Variants in TUSC3 observed in about 807,000 individuals in gnomAD.
The protein encoded by TUSC3 is dolichyl-diphosphooligosaccharide--protein glycosyltransferase subunit TUSC3.
TUSC3 carries 45 observed loss-of-function variants against 44.8 expected under a neutral mutation model. That is an observed-to-expected ratio of 1.00 (90% CI 0.79 to 1.29). TUSC3 has a LOEUF of 1.29. TUSC3 is among the 50% of genes most tolerant of loss of function. TUSC3 has a pLI of 0.00. For synonymous variants in TUSC3, 212 were observed against 152.9 expected (o/e 1.39, Z -2.85); for missense variants, 519 against 437.9 (o/e 1.19, Z -1.65).
intron 8 of TUSC3, among the ~76,000 whole-genome samples, chr8:15,744,242 T>C (rs890038686): frequency 6.6e-6 from 1 of 152,136 alleles, no homozygotes; most frequent in Non-Finnish European, 1.5e-5. Flanking sequence ...TGGGACCATT[T>C]CTCTCAGAGT....
upstream of TUSC3, among the ~76,000 whole-genome samples, chr8:15,538,509 T>C (rs1801564125): frequency 6.6e-6 from 1 of 152,330 alleles, no homozygotes; most frequent in Non-Finnish European, 1.5e-5. Context: ...AGACTGTCAA[T>C]GTTCAAATTT....
intron 2 of TUSC3, among the ~76,000 whole-genome samples, chr8:15,489,163 A>G (rs1306660327): frequency 1.3e-5 from 2 of 152,226 alleles, no homozygotes; most frequent in Non-Finnish European, 2.9e-5. Flanking sequence ...AGCTCCAGGT[A>G]TGCATCAGTC....
the TUSC3 span, among the ~76,000 whole-genome samples, chr8:15,771,906 G>A: frequency 2.0e-5 from 3 of 152,048 alleles, no homozygotes; most frequent in Non-Finnish European, 4.4e-5. Context: ...GGCTAACACG[G>A]TGAAACCCCA....
intron 1 of TUSC3, among the ~76,000 whole-genome samples, chr8:15,435,143 G>A (rs28587522): frequency 0.051 from 7,329 of 142,608 alleles, 456 homozygotes; most frequent in African/African-American, 0.14. Context: ...CTAGTTTACA[G>A]TCCCACCAAC....
the TUSC3 span, among the ~76,000 whole-genome samples, chr8:15,838,511 G>A: frequency 6.6e-6 from 1 of 151,940 alleles, no homozygotes; most frequent in Non-Finnish European, 1.5e-5. Flanking sequence ...TCCAAATGTT[G>A]GCCCACTTTC....
At chr8:15,594,911 T>C (rs56155447) in intron 1 of TUSC3, among the ~76,000 whole-genome samples, 5,617 of 152,158 alleles carry the variant, frequency 0.037, 112 homozygotes, top group African/African-American at 0.061. Context: ...ATGGGACAGA[T>C]GGAGTTTTGA....
intron 6 of TUSC3, among the ~76,000 whole-genome samples, chr8:15,717,304 T>G (rs930847057): frequency 7.2e-5 from 11 of 152,232 alleles, no homozygotes; most frequent in Admixed American, 2.0e-4. Flanking sequence ...CATCATTTTT[T>G]GAGATGAATC....
At chr8:15,669,252 A>G (rs901186644) in intron 5 of TUSC3, among the ~76,000 whole-genome samples, 17 of 151,844 alleles carry the variant, frequency 1.1e-4, no homozygotes, top group African/African-American at 3.6e-4. Context: ...GATTGAATCC[A>G]TTGCTGAAAC....
chr8:15,676,186 AT>A (rs907535210), intron 6 of TUSC3, among the ~76,000 whole-genome samples: 4 of 152,170 alleles, frequency 2.6e-5, no homozygotes. Flanking sequence ...ATGATTAGAA[AT>A]TAAATGTATG....
At chr8:15,797,769 G>A in the TUSC3 span, among the ~76,000 whole-genome samples, 1 of 152,160 alleles carries the variant, frequency 6.6e-6, no homozygotes, top group Admixed American at 6.5e-5. Flanking sequence ...GGTTTCAGCA[G>A]TGTCTAAGAC....
At chr8:15,749,945 T>A (rs1053795913) in intron 9 of TUSC3, among the ~76,000 whole-genome samples, 3 of 149,670 alleles carry the variant, frequency 2.0e-5, no homozygotes, top group African/African-American at 7.4e-5. Context: ...TATCTCTTTT[T>A]ATGAAAAGAT....
chr8:15,839,772 G>T, the TUSC3 span, among the ~76,000 whole-genome samples: 3 of 152,180 alleles, frequency 2.0e-5, no homozygotes, highest in Non-Finnish European at 4.4e-5. Context: ...CTTTTACACT[G>T]TTGGTAGGAA....
chr8:15,842,484 G>T, the TUSC3 span, among the ~76,000 whole-genome samples: 3 of 152,214 alleles, frequency 2.0e-5, no homozygotes, highest in African/African-American at 7.2e-5. Flanking sequence ...GTTAACAAAG[G>T]TTTCTGGATC....
the TUSC3 span, among the ~76,000 whole-genome samples, chr8:15,794,577 T>TA: frequency 6.6e-6 from 1 of 152,186 alleles, no homozygotes; most frequent in Non-Finnish European, 1.5e-5. Flanking sequence ...AAGGATGGTT[T>TA]ATTACTTAAA....
intron 1 of TUSC3, among the ~76,000 whole-genome samples, chr8:15,608,927 A>G (rs1804647630): frequency 6.6e-6 from 1 of 152,190 alleles, no homozygotes; most frequent in Non-Finnish European, 1.5e-5. Flanking sequence ...TCTACTCCCA[A>G]AAAACTTGAC....
chr8:15,501,393 T>C (rs984917794), intron 2 of TUSC3, among the ~76,000 whole-genome samples: 2 of 152,222 alleles, frequency 1.3e-5, no homozygotes, highest in African/African-American at 4.8e-5. Context: ...TACTTCACTT[T>C]GGCAATGAGC....
the TUSC3 span, among the ~76,000 whole-genome samples, chr8:15,845,128 C>G: frequency 6.6e-6 from 1 of 152,046 alleles, no homozygotes; most frequent in South Asian, 2.1e-4. Flanking sequence ...TAAGTTAGAA[C>G]AAGAAGAAAC....
chr8:15,439,460 G>T (rs570272433), intron 1 of TUSC3, among the ~76,000 whole-genome samples: 2 of 152,334 alleles, frequency 1.3e-5, no homozygotes, highest in South Asian at 2.1e-4. Flanking sequence ...AGGAGGCTGA[G>T]ATGGGAGGAT....
At chr8:15,783,662 A>C in the TUSC3 span, among the ~76,000 whole-genome samples, 1 of 152,158 alleles carries the variant, frequency 6.6e-6, no homozygotes, top group African/African-American at 2.4e-5. Context: ...TGGGGAAACT[A>C]TAGAGGAATG....
Sources: allele counts gnomAD v4.1 joint callset (sites outside exome capture counted in the v4.1 genomes callset), GRCh38; gene constraint gnomAD v4.1.1; transcripts MANE v1.5; gene names NCBI Gene and HGNC (gene_info 2026-07-23, HGNC 2026-07-21).